COL5A2: variants seen among roughly 807,000 people sequenced by gnomAD.
The protein encoded by COL5A2 is collagen alpha-2(V) chain.
A neutral mutation model predicts 208.2 loss-of-function variants in COL5A2; 23 were observed. The observed-to-expected ratio is 0.11, with a 90% confidence interval of 0.08 to 0.16. COL5A2 has a LOEUF of 0.16. Among genes scored for constraint, COL5A2 ranks in the 10% least tolerant of loss-of-function variants. COL5A2 has a pLI of 1.00. For synonymous variants in COL5A2, 625 were observed against 628.5 expected (o/e 0.99, Z 0.08); for missense variants, 1,590 against 1,956.4 (o/e 0.81, Z 3.53).
chr2:189,405,393 G>A, the COL5A2 span, among the ~76,000 whole-genome samples: 3 of 151,780 alleles, frequency 2.0e-5, no homozygotes, highest in South Asian at 2.1e-4. Context: ...TATGACACCC[G>A]GCTAATTTTT....
the COL5A2 span, among the ~76,000 whole-genome samples, chr2:189,283,052 A>T: frequency 1.3e-5 from 2 of 152,144 alleles, no homozygotes; most frequent in Admixed American, 6.5e-5. Flanking sequence ...ATATAAATAA[A>T]TTTCCTCCTG....
intron 1 of COL5A2, among the ~76,000 whole-genome samples, chr2:189,112,260 A>G (rs960502719): frequency 6.6e-5 from 10 of 152,316 alleles, no homozygotes; most frequent in African/African-American, 2.4e-4. Context: ...ACGGTAAACT[A>G]GTTTAATTGC....
At position 189,053,484 on chromosome 2, in the gene COL5A2, G is replaced by A; in HGVS notation, c.2500-7C>T. ...CATTTTCACCTCGAGAACCCTAGGA[G>A]GAGACAAAGATTACTGTAGCTTTCA... On this transcript the variant is annotated splice_region_variant and splice_polypyrimidine_tract_variant and intron_variant, in intron 37 of 53. Coordinates refer to ENST00000374866, the MANE Select transcript of COL5A2 (RefSeq NM_000393.5). 6.2e-7 allele frequency: 1 copy of A among 1,613,008 alleles called. No individual in the cohort carries two copies.
At chr2:189,353,529 G>C in the COL5A2 span, among the ~76,000 whole-genome samples, 57 of 152,224 alleles carry the variant, frequency 3.7e-4, 1 homozygote, top group Admixed American at 7.8e-4. Flanking sequence ...TGGATTCCTA[G>C]GTATTTTATT....
chr2:189,219,850 T>C (rs2105877331), intron 1 of COL5A2, among the ~76,000 whole-genome samples: 1 of 141,386 alleles, frequency 7.1e-6, no homozygotes, highest in East Asian at 2.1e-4. Flanking sequence ...GCTTCACGGA[T>C]ACATGACCTG....
chr2:189,364,418 G>A, the COL5A2 span, among the ~76,000 whole-genome samples: 3 of 152,194 alleles, frequency 2.0e-5, no homozygotes, highest in Admixed American at 6.5e-5. Context: ...TGGGCCCGGT[G>A]GCTCACGCCT....
intron 52 of COL5A2, 126 bp downstream of exon 52, chr2:189,036,490 C>A: frequency 2.7e-6 from 2 of 730,314 alleles, no homozygotes; most frequent in South Asian, 1.9e-5. Flanking sequence ...GAGACTATAT[C>A]ACTTCAAAAT....
At chr2:189,162,571 C>T (rs1279339578) in intron 1 of COL5A2, among the ~76,000 whole-genome samples, 1 of 152,194 alleles carries the variant, frequency 6.6e-6, no homozygotes, top group Non-Finnish European at 1.5e-5. Context: ...AAGTATACCT[C>T]ATTTATTGAG....
the COL5A2 span, among the ~76,000 whole-genome samples, chr2:189,266,134 A>G: frequency 1.3e-5 from 2 of 152,156 alleles, no homozygotes; most frequent in African/African-American, 4.8e-5. Flanking sequence ...GCCATAAAAA[A>G]GATGTAAAAT....
intron 47 of COL5A2, among the ~76,000 whole-genome samples, chr2:189,043,671 G>A (rs114959105): frequency 3.3e-5 from 5 of 152,128 alleles, no homozygotes; most frequent in South Asian, 2.1e-4. Context: ...CATACTTGCC[G>A]TGTGTAACAA....
At chr2:189,193,370 T>C (rs1279050493) in intron 1 of COL5A2, among the ~76,000 whole-genome samples, 3 of 152,086 alleles carry the variant, frequency 2.0e-5, no homozygotes, top group African/African-American at 4.8e-5. Flanking sequence ...GGGAAAAAAA[T>C]AGACATTTCA....
chr2:189,121,736 CAAAAAAAAA>C (rs3084490), intron 1 of COL5A2, among the ~76,000 whole-genome samples: 6 of 77,700 alleles, frequency 7.7e-5, no homozygotes, highest in Admixed American at 2.0e-4. Context: ...GACTCCGTCT[CAAAAAAAAA>C]AAAAAAAAAA....
At chr2:189,295,091 G>T in the COL5A2 span, among the ~76,000 whole-genome samples, 1 of 152,086 alleles carries the variant, frequency 6.6e-6, no homozygotes, top group African/African-American at 2.4e-5. Flanking sequence ...TTACAGGTGT[G>T]AGCCACCACA....
intron 50 of COL5A2, 111 bp downstream of exon 50, chr2:189,041,475 T>A: frequency 2.3e-6 from 2 of 852,028 alleles, no homozygotes; most frequent in Non-Finnish European, 4.1e-6. Context: ...CTACGTTTGT[T>A]TTCGGGGTCC....
the COL5A2 span, among the ~76,000 whole-genome samples, chr2:189,325,084 G>A: frequency 6.6e-6 from 1 of 151,898 alleles, no homozygotes; most frequent in Non-Finnish European, 1.5e-5. Context: ...ATCAAACACT[G>A]CGTGTGCTCA....
chr2:189,199,901 C>G (rs903195126), intron 1 of COL5A2, among the ~76,000 whole-genome samples: 5 of 152,170 alleles, frequency 3.3e-5, no homozygotes, highest in African/African-American at 1.2e-4. Flanking sequence ...CAGGTTGCAT[C>G]AACAGACACT....
the COL5A2 span, among the ~76,000 whole-genome samples, chr2:189,351,074 A>G: frequency 6.6e-6 from 1 of 152,174 alleles, no homozygotes; most frequent in South Asian, 2.1e-4. Flanking sequence ...CATTTTCTCA[A>G]TAGGGTTTTT....
the COL5A2 span, among the ~76,000 whole-genome samples, chr2:189,273,588 G>A: frequency 6.0e-4 from 91 of 152,090 alleles, 2 homozygotes; most frequent in South Asian, 0.019. Flanking sequence ...ACAAGACATG[G>A]AATCAGCCTA....
chr2:189,325,040 C>T, the COL5A2 span, among the ~76,000 whole-genome samples: 1 of 151,682 alleles, frequency 6.6e-6, no homozygotes, highest in African/African-American at 2.4e-5. Flanking sequence ...AGTTGGAAAC[C>T]ATCATTCTCA....
Sources: allele counts gnomAD v4.1 joint callset (sites outside exome capture counted in the v4.1 genomes callset), GRCh38; gene constraint gnomAD v4.1.1; transcripts MANE v1.5; gene names NCBI Gene and HGNC (gene_info 2026-07-23, HGNC 2026-07-21).